The following VCAN variants were observed in gnomAD, a reference collection of about 807,000 sequenced individuals.
The protein encoded by VCAN is versican core protein.
VCAN carries 44 observed loss-of-function variants against 245.5 expected under a neutral mutation model. The observed-to-expected ratio is 0.18, with a 90% CI of 0.14 to 0.23. The LOEUF is 0.23. VCAN is among the 10% of genes least tolerant of loss of function. The pLI is 1.00. For synonymous variants in VCAN, 1,413 were observed against 1,437.0 expected (o/e 0.98, Z 0.38); for missense variants, 3,793 against 4,057.9 (o/e 0.93, Z 1.77).
rs193127674 is a variant in VCAN at position 83,480,235 on chromosome 5, G to A, written c.-6-3278G>A. ...GGGGTAATCTTAAGGAAAGTGATGC[G>A]TATACTTGTTGTACCTATGTAGATG... On this transcript the variant is annotated intron_variant, in intron 1 of 14. Coordinates refer to ENST00000265077, the MANE Select transcript of VCAN (RefSeq NM_004385.5). Among the ~76,000 whole-genome samples the A allele has an allele frequency of 3.1e-3, 477 of 152,194 alleles. 2 individuals carry two copies. Among genetic ancestry groups the A allele is most frequent in the South Asian group, 0.021 (102 of 4,826 alleles).
At chr5:83,502,475 T>A (rs567384052) in intron 5 of VCAN, among the ~76,000 whole-genome samples, 2 of 152,334 alleles carry the variant, frequency 1.3e-5, no homozygotes, top group Admixed American at 1.3e-4. Flanking sequence ...ATCTTTTGTA[T>A]ATTTTGAAGA....
intron 12 of VCAN, among the ~76,000 whole-genome samples, chr5:83,557,631 A>AT (rs1378455678): frequency 3.3e-5 from 5 of 152,164 alleles, no homozygotes; most frequent in Non-Finnish European, 7.4e-5. Flanking sequence ...TCTGAAAAAC[A>AT]TAACAGTGAC....
rs1386228742 is a variant in VCAN, at chr5:83,522,391, A to G, written c.4003+82A>G. 9 of 1,436,876 alleles carry G rather than the reference A, an allele frequency of 6.3e-6. No homozygotes were observed. In the South Asian group the frequency reaches 9.4e-5, roughly 15 times the overall value. 89.0% of individuals were successfully genotyped at this position (1,436,876 alleles called of 1,614,324 possible). On this transcript the variant is annotated intron_variant, in intron 7 of 14. Transcript: ENST00000265077. ...TTACTTTTGGGGAAAAAAAGTCAAC[A>G]TACCAAATGCTGCTATTAGAAGATA...
In VCAN at chr5:83,520,794, T is replaced by C. The variant is rs1158960026; in HGVS notation, c.2488T>C (p.Leu830=). The change falls in exon 7 of 15, where the codon TTA becomes CTA. Residue 830 remains leucine (L), a synonymous_variant. Coordinates refer to ENST00000265077, the MANE Select transcript of VCAN (RefSeq NM_004385.5). ...PSASSKLPPA[L]LTTVGMNGKD... ...AGCCTCTTCAAAATTGCCCCCTGCC[T>C]TACTCACAACTGTGGGGATGAATGG... is the stretch of plus-strand genomic sequence containing the variant. The C allele has an allele frequency of 6.2e-7, 1 of 1,614,110 alleles. No homozygotes were observed. Among genetic ancestry groups the C allele is most frequent in the East Asian group, 2.2e-5 (1 of 44,874 alleles).
At chr5:83,494,325 C>A (rs1396631721) in intron 5 of VCAN, among the ~76,000 whole-genome samples, 1 of 152,182 alleles carries the variant, frequency 6.6e-6, no homozygotes, top group Non-Finnish European at 1.5e-5. Context: ...CCAGAGCTAA[C>A]TAAATAACTC....
At chr5:83,506,696 T>C (rs1366319099) in intron 5 of VCAN, among the ~76,000 whole-genome samples, 1 of 152,330 alleles carries the variant, frequency 6.6e-6, no homozygotes, top group Admixed American at 6.5e-5. Context: ...CCCACTGTAC[T>C]GGTACCAATT....
intron 1 of VCAN, among the ~76,000 whole-genome samples, chr5:83,473,010 A>G (rs1744249989): frequency 2.0e-5 from 3 of 152,180 alleles, no homozygotes; most frequent in Admixed American, 1.3e-4. Context: ...AGACTACAGG[A>G]GTCCTCCGTT....
At chr5:83,495,638 A>G (rs909821885) in intron 5 of VCAN, among the ~76,000 whole-genome samples, 21 of 152,186 alleles carry the variant, frequency 1.4e-4, no homozygotes, top group African/African-American at 5.1e-4. Flanking sequence ...GTAAGGTGGG[A>G]ATTTGTATCA....
intron 12 of VCAN, among the ~76,000 whole-genome samples, chr5:83,565,510 GTC>G (rs1748047671): frequency 6.6e-6 from 1 of 151,850 alleles, no homozygotes; most frequent in East Asian, 1.9e-4. Flanking sequence ...TGAAAATTCT[GTC>G]TCTTTTTATT....
At position 83,484,509 on chromosome 5, in the gene VCAN, TTCCATCCATCCATCCA is replaced by T. The variant is rs200174622; in HGVS notation, c.70+951_70+966del. ...CATGTATTCATCCATCCATCCATCCTTCCATCCATCCATCCATCCATCCATCCATCCATCCATCCAT... is the reference window on the plus strand; with the variant it reads ...CATGTATTCATCCATCCATCCATCCTTCCATCCATCCATCCATCCATCCAT... On this transcript the variant is annotated intron_variant, in intron 2 of 14. Coordinates refer to ENST00000265077, the MANE Select transcript of VCAN (RefSeq NM_004385.5). Among the ~76,000 whole-genome samples the T allele has an allele frequency of 5.8e-4, 86 of 149,246 alleles. 1 individual carries two copies. Among genetic ancestry groups the T allele is most frequent in the African/African-American group, 1.8e-3 (73 of 40,486 alleles).
At chr5:83,566,509 G>GA (rs35544841) in intron 12 of VCAN, among the ~76,000 whole-genome samples, 44,073 of 151,898 alleles carry the variant, frequency 0.29, 7,640 homozygotes, top group African/African-American at 0.48. Context: ...ACCTTGAACA[G>GA]TGTAAACCCC....
chr5:83,538,704 C>G lies in VCAN; in HGVS notation c.5701C>G (p.Gln1901Glu). ...CAGAGTAGTTGCTGAAAATATAACC[C>G]AAACATCCAGGGAAATAGTGATTTC... Reference protein sequence around the residue: ...MDRVVAENITQTSREIVISER... With the variant: ...MDRVVAENITETSREIVISER... Residue 1901 changes from glutamine to glutamate, a missense_variant, in exon 8 of 15, where the codon CAA (glutamine) becomes GAA (glutamate). This residue lies in a region of VCAN where 3,182 missense variants were observed against 3,250.3 expected (regional missense o/e 0.98). Coordinates refer to ENST00000265077, the MANE Select transcript of VCAN (RefSeq NM_004385.5). 6.2e-7 allele frequency: 1 copy of G among 1,614,044 alleles called. No homozygotes were observed. The highest frequency in any genetic ancestry group is 8.5e-7 in the Non-Finnish European group (1 of 1,179,958).
rs1461913571 is a variant in VCAN at position 83,538,739 on chromosome 5, A to C, written c.5736A>C (p.Leu1912Phe). ...GGGAAATAGTGATTTCAGAGCGATT[A>C]GGAGAACCAAATTATGGGGCAGAAA... is the stretch of plus-strand genomic sequence containing the variant. ...TSREIVISER[L>F]GEPNYGAEIR... Residue 1912 changes from leucine to phenylalanine, a missense_variant, in exon 8 of 15, where the codon TTA becomes TTC. Transcript: ENST00000265077. The C allele has an allele frequency of 6.2e-7, 1 of 1,614,106 alleles. No homozygotes were observed. The highest frequency in any genetic ancestry group is 2.2e-5 in the East Asian group (1 of 44,876).
At chr5:83,507,765 C>T (rs552801965) in intron 5 of VCAN, among the ~76,000 whole-genome samples, 1 of 152,284 alleles carries the variant, frequency 6.6e-6, no homozygotes, top group Admixed American at 6.5e-5. Flanking sequence ...AATTTCATTC[C>T]ACTGTGCTAT....
chr5:83,478,144 G>T (rs1744468130), intron 1 of VCAN, among the ~76,000 whole-genome samples: 1 of 151,922 alleles, frequency 6.6e-6, no homozygotes, highest in Non-Finnish European at 1.5e-5. Context: ...GTTTCACCAT[G>T]TTGGCCATGG....
At chr5:83,509,166 A>C (rs1745573996) in intron 5 of VCAN, among the ~76,000 whole-genome samples, 1 of 152,254 alleles carries the variant, frequency 6.6e-6, no homozygotes, top group African/African-American at 2.4e-5. Context: ...AAAGTAGTAA[A>C]ATGATCATTC....
In VCAN at chr5:83,581,166, A is replaced by AT. The variant is rs1347595323; in HGVS notation, c.*738dup. ...GGAGGACTTTTCTGTAACCAGGAACATTTTTTAGGGGTCAAAGTGCTAATA... is the reference window on the plus strand; with the variant it reads ...GGAGGACTTTTCTGTAACCAGGAACATTTTTTTAGGGGTCAAAGTGCTAATA... On this transcript the variant is annotated 3_prime_UTR_variant, in exon 15 of 15. Transcript: ENST00000265077. 6.5e-6 allele frequency: 1 copy of AT among 153,208 alleles called. No individual in the cohort carries two copies. The highest frequency in any genetic ancestry group is 1.5e-5 in the Non-Finnish European group (1 of 68,524). 9.5% of individuals were successfully genotyped at this position (153,208 alleles called of 1,614,324 possible).
intron 7 of VCAN, chr5:83,536,749 A>G: frequency 3.3e-6 from 1 of 304,150 alleles, no homozygotes; most frequent in Non-Finnish European, 6.1e-6. Context: ...TTTAAGGACT[A>G]TGTTGTTTTC....
At chr5:83,479,060 G>C (rs1392273189) in intron 1 of VCAN, among the ~76,000 whole-genome samples, 1 of 152,114 alleles carries the variant, frequency 6.6e-6, no homozygotes, top group African/African-American at 2.4e-5. Context: ...GCTATTACTT[G>C]TATGAAGTAA....
Sources: gnomAD v4.1 joint callset for allele counts (sites outside exome capture counted in the v4.1 genomes callset) on GRCh38, gnomAD v4.1.1 for gene constraint, gnomAD v4.1.1 regional missense constraint, MANE v1.5 for transcripts, NCBI Gene and HGNC (gene_info 2026-07-23, HGNC 2026-07-21) for gene names.